Variants in SPATA16 observed in about 807,000 individuals in gnomAD.
The protein encoded by SPATA16 is spermatogenesis associated 16.
SPATA16 carries 36 observed loss-of-function variants against 63.3 expected under a neutral mutation model. That is an observed-to-expected ratio of 0.57 (90% CI 0.44 to 0.75). SPATA16 has a LOEUF of 0.75. Ranked by LOEUF, SPATA16 falls within the 30% of genes least tolerant of loss-of-function variation. The pLI is 0.00. For missense variants in SPATA16, 646 were observed against 679.3 expected, an observed-to-expected ratio of 0.95 and a Z score of 0.54; for synonymous variants, 203 against 216.7, an observed-to-expected ratio of 0.94 and a Z score of 0.56.
intron 5 of SPATA16, among the ~76,000 whole-genome samples, chr3:172,968,764 T>C (rs1208936831): frequency 6.6e-6 from 1 of 152,188 alleles, no homozygotes; most frequent in South Asian, 2.1e-4. Context: ...CTCAATTACA[T>C]CTTTCATTTA....
At chr3:173,056,015 G>A (rs1736213672) in intron 2 of SPATA16, among the ~76,000 whole-genome samples, 1 of 152,090 alleles carries the variant, frequency 6.6e-6, no homozygotes, top group African/African-American at 2.4e-5. Flanking sequence ...TGGATAAGAG[G>A]ATAAATCGTA....
intron 10 of SPATA16, among the ~76,000 whole-genome samples, chr3:172,907,096 C>T (rs1326823352): frequency 1.3e-5 from 2 of 152,168 alleles, no homozygotes; most frequent in Non-Finnish European, 1.5e-5. Context: ...TTTCAAAAGG[C>T]CTGTTCAATC....
chr3:172,909,599 C>T (rs1020635228), intron 10 of SPATA16, among the ~76,000 whole-genome samples: 2 of 152,166 alleles, frequency 1.3e-5, no homozygotes, highest in East Asian at 1.9e-4. Context: ...CTGTAAGCCA[C>T]GTGAGTGAAC....
intron 4 of SPATA16, among the ~76,000 whole-genome samples, chr3:172,990,163 C>T (rs1023555413): frequency 6.6e-6 from 1 of 152,142 alleles, no homozygotes. Flanking sequence ...GAGTGAATTG[C>T]ACAGTGCAGG....
chr3:173,137,713 T>TG (rs1322497917), intron 1 of SPATA16, among the ~76,000 whole-genome samples: 1 of 152,010 alleles, frequency 6.6e-6, no homozygotes, highest in African/African-American at 2.4e-5. Context: ...TCGGAACTTT[T>TG]GAAAGCCTTT....
intron 2 of SPATA16, among the ~76,000 whole-genome samples, chr3:173,062,181 A>G (rs1274737165): frequency 6.6e-6 from 1 of 151,822 alleles, no homozygotes; most frequent in Admixed American, 6.6e-5. Context: ...GATGATACAC[A>G]TTAACCTTCA....
chr3:173,127,191 T>G (rs1738248775), intron 1 of SPATA16, among the ~76,000 whole-genome samples: 1 of 152,220 alleles, frequency 6.6e-6, no homozygotes, highest in Non-Finnish European at 1.5e-5. Flanking sequence ...TGTGCACACA[T>G]GCAGAAATAT....
chr3:172,938,919 C>T (rs898677621), intron 6 of SPATA16, among the ~76,000 whole-genome samples: 1 of 140,424 alleles, frequency 7.1e-6, no homozygotes, highest in African/African-American at 2.6e-5. Context: ...ATTCTTGGTT[C>T]TAAATGTCTT....
chr3:172,962,250 T>C (rs1215318804), intron 5 of SPATA16, among the ~76,000 whole-genome samples: 1 of 56,424 alleles, frequency 1.8e-5, no homozygotes, highest in African/African-American at 1.6e-4. Context: ...CAAGACTCTG[T>C]CTCAAAAAAA....
At chr3:172,905,964 A>T (rs1227047542) in intron 10 of SPATA16, among the ~76,000 whole-genome samples, 2 of 152,242 alleles carry the variant, frequency 1.3e-5, no homozygotes, top group Non-Finnish European at 2.9e-5. Flanking sequence ...CCAGAGGCAT[A>T]GCAGAACAAG....
In SPATA16 at chr3:173,099,837, C is replaced by T. The variant is rs372163119; in HGVS notation, c.612+17283G>A. ...ATGCGCTTATGGAGAGGTCAAAATT[C>T]CATCACAGGCACCTACGCCCCTCTC... On this transcript the variant is annotated intron_variant, in intron 2 of 10. Transcript: ENST00000351008. 3.9e-5 allele frequency among the ~76,000 whole-genome samples: 6 copies of T among 152,132 alleles called. No individual in the cohort carries two copies. The East Asian group carries it at 1.2e-3, about 29-fold the overall frequency.
chr3:173,085,123 A>G (rs554224366), intron 2 of SPATA16, among the ~76,000 whole-genome samples: 1 of 152,290 alleles, frequency 6.6e-6, no homozygotes, highest in Non-Finnish European at 1.5e-5. Context: ...GGCCATTTTC[A>G]TGATATTGAT....
rs527952085 is a variant in SPATA16, at chr3:173,045,619, A to G, written c.758+3330T>C. ...TAGTGAGTGGAGCAGTCATAATTTG[A>G]ACCTAGGCAGTCACATTCTAGACGT... On this transcript the variant is annotated intron_variant, in intron 3 of 10. Transcript: ENST00000351008. Among the ~76,000 whole-genome samples, 12 of 152,254 alleles carry G rather than the reference A, an allele frequency of 7.9e-5. No homozygotes were observed. The South Asian group carries it at 2.5e-3, about 32-fold the overall frequency.
chr3:173,130,784 A>C (rs1738361771), intron 1 of SPATA16, among the ~76,000 whole-genome samples: 1 of 152,220 alleles, frequency 6.6e-6, no homozygotes, highest in Non-Finnish European at 1.5e-5. Context: ...TTTCAAATGT[A>C]ACCATTTGGA....
At chr3:173,099,242 AAG>A (rs771364255) in intron 2 of SPATA16, among the ~76,000 whole-genome samples, 5 of 151,660 alleles carry the variant, frequency 3.3e-5, no homozygotes, top group East Asian at 1.9e-4. Flanking sequence ...AAGAGACAGA[AAG>A]AGAGAGAGAG....
At chr3:172,981,619 T>A (rs1434098896) in intron 4 of SPATA16, among the ~76,000 whole-genome samples, 1 of 152,234 alleles carries the variant, frequency 6.6e-6, no homozygotes, top group Non-Finnish European at 1.5e-5. Flanking sequence ...TCCTTCGGTC[T>A]TTGTATGTGT....
chr3:173,100,772 C>G (rs982567694), intron 2 of SPATA16, among the ~76,000 whole-genome samples: 2 of 150,764 alleles, frequency 1.3e-5, no homozygotes, highest in African/African-American at 4.9e-5. Context: ...ATAAGGGTAG[C>G]TACTCCATTA....
At chr3:172,958,690 G>A (rs1214669520) in intron 5 of SPATA16, among the ~76,000 whole-genome samples, 2 of 152,166 alleles carry the variant, frequency 1.3e-5, no homozygotes, top group Non-Finnish European at 2.9e-5. Context: ...AGTGGTGTCA[G>A]CAGGTTTGGT....
chr3:173,035,744 T>C (rs1470291965), intron 3 of SPATA16, among the ~76,000 whole-genome samples: 2 of 152,058 alleles, frequency 1.3e-5, no homozygotes, highest in Non-Finnish European at 2.9e-5. Flanking sequence ...AAATTTTCTA[T>C]AGGTTCCTTG....
Sources: gnomAD v4.1 joint callset for allele counts (sites outside exome capture counted in the v4.1 genomes callset) on GRCh38, gnomAD v4.1.1 for gene constraint, MANE v1.5 for transcripts, NCBI Gene and HGNC (gene_info 2026-07-23, HGNC 2026-07-21) for gene names.